ZNF215: variants seen among roughly 807,000 people sequenced by gnomAD.
ZNF215 encodes BWSCR2-associated zinc finger protein 2.
A neutral mutation model predicts 27.2 loss-of-function variants in ZNF215; 24 were observed. That is an observed-to-expected ratio of 0.88 (90% CI 0.64 to 1.24). The LOEUF (loss-of-function observed/expected upper bound fraction) is 1.24. Among genes scored for constraint, ZNF215 ranks in the 50% most tolerant of loss-of-function variants. ZNF215 has a pLI of 0.00. For missense variants in ZNF215, 675 were observed against 605.7 expected, an observed-to-expected ratio of 1.11 and a Z score of -1.20; for synonymous variants, 210 against 204.0, an observed-to-expected ratio of 1.03 and a Z score of -0.25.
At chr11:6,938,647 G>A (rs1849522518) in intron 3 of ZNF215, among the ~76,000 whole-genome samples, 1 of 151,878 alleles carries the variant, frequency 6.6e-6, no homozygotes, top group African/African-American at 2.4e-5. Context: ...AGTGAGAGAA[G>A]TCAGACCCAA....
chr11:6,937,566 A>G (rs1849482435), intron 3 of ZNF215, among the ~76,000 whole-genome samples: 1 of 149,558 alleles, frequency 6.7e-6, no homozygotes, highest in Non-Finnish European at 1.5e-5. Flanking sequence ...AGGACCCAAG[A>G]TAGTCAAACT....
At position 6,931,986 on chromosome 11, in the gene ZNF215, G is replaced by A. The variant is rs376895941; in HGVS notation, c.-179-108G>A. 44 of 271,904 alleles carry A rather than the reference G, an allele frequency of 1.6e-4. No homozygotes were observed. In the Admixed American group the frequency reaches 2.1e-3, roughly 13 times the overall value. 16.8% of individuals were successfully genotyped at this position (271,904 alleles called of 1,614,324 possible). ...TTCTAAGAAAGGAAAATAAAAATAGGAGAATCCATAATATGCATTTTTCTT... is the reference window on the plus strand; with the variant it reads ...TTCTAAGAAAGGAAAATAAAAATAGAAGAATCCATAATATGCATTTTTCTT... On this transcript the variant is annotated intron_variant, in intron 2 of 6. Coordinates refer to ENST00000278319, the MANE Select transcript of ZNF215 (RefSeq NM_013250.4).
intron 5 of ZNF215, 132 bp from the exon 6 acceptor site, chr11:6,943,412 CTA>C: frequency 9.2e-7 from 1 of 1,087,654 alleles, no homozygotes; most frequent in South Asian, 1.6e-5. Context: ...ATACACAAGT[CTA>C]TGGTGCTCTT....
chr11:6,972,627 C>G (rs1440737760), intron 5 of ZNF215, among the ~76,000 whole-genome samples: 1 of 152,048 alleles, frequency 6.6e-6, no homozygotes. Context: ...AGTGGAAGAT[C>G]TTTTACTTTC....
intron 6 of ZNF215, among the ~76,000 whole-genome samples, chr11:6,945,314 T>A (rs891651048): frequency 6.6e-6 from 1 of 152,192 alleles, no homozygotes; most frequent in African/African-American, 2.4e-5. Context: ...GTCTCATTTT[T>A]CCATCAGCTT....
chr11:6,962,114 A>T (rs1337929537), downstream of ZNF215, among the ~76,000 whole-genome samples: 1 of 152,202 alleles, frequency 6.6e-6, no homozygotes, highest in Non-Finnish European at 1.5e-5. Context: ...GGAAACCATA[A>T]GAAATAGGAA....
chr11:6,934,191 A>G (rs539051180), intron 3 of ZNF215, among the ~76,000 whole-genome samples: 67 of 152,360 alleles, frequency 4.4e-4, no homozygotes, highest in Middle Eastern at 6.8e-3. Context: ...TCAGAGAACC[A>G]GAAAAGATTG....
chr11:6,947,049 T>C (rs1306041829), intron 6 of ZNF215, among the ~76,000 whole-genome samples: 1 of 152,226 alleles, frequency 6.6e-6, no homozygotes, highest in African/African-American at 2.4e-5. Context: ...TTTACTTTTA[T>C]TCATGGTGTC....
chr11:6,956,305 C>T lies in ZNF215; in HGVS notation c.1328C>T (p.Ala443Val), dbSNP rs1850350686. The T allele has an allele frequency of 1.2e-6, 2 of 1,614,108 alleles. No individual in the cohort carries two copies. The highest frequency in any genetic ancestry group is 1.7e-5 in the Admixed American group (1 of 60,018). The change falls in exon 7 of 7, where the codon GCC becomes GTC. Residue 443 changes from alanine to valine, a missense_variant. Physicochemically the swap from Ala to Val is moderately conservative, Grantham distance 64. Coordinates refer to ENST00000278319, the MANE Select transcript of ZNF215 (RefSeq NM_013250.4). ...TGCACAAGCAATAAATGTGGAAAGGCCTTCAGTAAAAGTGAAGACAGTAAT... is the reference window on the plus strand; with the variant it reads ...TGCACAAGCAATAAATGTGGAAAGGTCTTCAGTAAAAGTGAAGACAGTAAT... The part of the protein sequence containing the change: ...KACTSNKCGK[A>V]FSKSEDSNNP...
chr11:6,983,635 A>G (rs1271829121), intron 5 of ZNF215, among the ~76,000 whole-genome samples: 1 of 152,216 alleles, frequency 6.6e-6, no homozygotes, highest in African/African-American at 2.4e-5. Context: ...TAGAACATAG[A>G]TATATCTTGT....
chr11:6,979,399 T>C (rs1350352615), intron 5 of ZNF215, among the ~76,000 whole-genome samples: 1 of 152,052 alleles, frequency 6.6e-6, no homozygotes, highest in Non-Finnish European at 1.5e-5. Context: ...TTATAATAAC[T>C]TGATTTTTAA....
Position 6,946,453 on chromosome 11 carries a change from C to G in ZNF215, c.712+2812C>G, listed in dbSNP as rs192156541. On this transcript the variant is annotated intron_variant, in intron 6 of 6. Coordinates refer to ENST00000278319, the MANE Select transcript of ZNF215 (RefSeq NM_013250.4). ...CAAATATATATTAAGCATCTATATA[C>G]TGTGTCCTAAGCACTCTCACAGGTG... Among the ~76,000 whole-genome samples, 284 of 152,282 alleles carry G rather than the reference C, an allele frequency of 1.9e-3. 2 individuals carry two copies. The highest frequency in any genetic ancestry group is 6.6e-3 in the African/African-American group (275 of 41,554).
downstream of ZNF215, among the ~76,000 whole-genome samples, chr11:6,991,116 C>T (rs1200405628): frequency 6.6e-6 from 1 of 152,202 alleles, no homozygotes; most frequent in Non-Finnish European, 1.5e-5. Flanking sequence ...TCATCAACAC[C>T]CTGACTTTAA....
chr11:6,949,678 G>C (rs1472115269), intron 6 of ZNF215, among the ~76,000 whole-genome samples: 1 of 152,042 alleles, frequency 6.6e-6, no homozygotes, highest in Non-Finnish European at 1.5e-5. Context: ...CCCATTTTGT[G>C]GGTTGCCTGT....
intron 6 of ZNF215, among the ~76,000 whole-genome samples, chr11:6,950,012 T>C (rs1163277004): frequency 1.3e-5 from 2 of 151,878 alleles, no homozygotes; most frequent in Non-Finnish European, 2.9e-5. Flanking sequence ...TTGCTTGTTT[T>C]TGTCAGGTTT....
At chr11:6,938,663 C>T (rs1849523258) in intron 3 of ZNF215, among the ~76,000 whole-genome samples, 1 of 151,818 alleles carries the variant, frequency 6.6e-6, no homozygotes, top group Admixed American at 6.6e-5. Flanking sequence ...CCCAAAAGGT[C>T]ACATACTATA....
At chr11:6,948,005 G>C (rs1471981454) in intron 6 of ZNF215, among the ~76,000 whole-genome samples, 2 of 152,220 alleles carry the variant, frequency 1.3e-5, no homozygotes, top group Non-Finnish European at 2.9e-5. Context: ...GAAATCAGAA[G>C]ATGTCACCTT....
chr11:6,969,336 T>C (rs1850678960), intron 5 of ZNF215, among the ~76,000 whole-genome samples: 1 of 152,188 alleles, frequency 6.6e-6, no homozygotes, highest in African/African-American at 2.4e-5. Context: ...CAAATATACA[T>C]TTGAGCTACT....
intron 6 of ZNF215, 111 bp downstream of exon 6, chr11:6,943,752 C>A: frequency 1.2e-6 from 1 of 857,238 alleles, no homozygotes; most frequent in Non-Finnish European, 1.9e-6. Flanking sequence ...ATAGCAAAAC[C>A]TAAACTTTGA....
Sources: gnomAD v4.1 joint callset for allele counts (sites outside exome capture counted in the v4.1 genomes callset) on GRCh38, gnomAD v4.1.1 for gene constraint, MANE v1.5 for transcripts, NCBI Gene and HGNC (gene_info 2026-07-23, HGNC 2026-07-21) for gene names.